The following P4HA3 variants were observed in gnomAD, a reference collection of about 807,000 sequenced individuals.
The protein encoded by P4HA3 is prolyl 4-hydroxylase subunit alpha-3.
Under a neutral mutation model 66.7 loss-of-function variants are expected in P4HA3, and 60 were observed. That is an observed-to-expected ratio of 0.90 (90% CI 0.73 to 1.12). The LOEUF is 1.12. Among genes scored for constraint, P4HA3 ranks in the 50% most tolerant of loss-of-function variants. The pLI is 0.00. For synonymous variants in P4HA3, 263 were observed against 274.6 expected (o/e 0.96, Z 0.42); for missense variants, 683 against 685.8 (o/e 1.00, Z 0.05).
chr11:74,310,314 C>G (rs938351733), intron 1 of P4HA3, among the ~76,000 whole-genome samples: 4 of 152,220 alleles, frequency 2.6e-5, no homozygotes, highest in African/African-American at 9.6e-5. Context: ...AGTCTGACAA[C>G]CTTTTATGCC....
chr11:74,252,433 C>T (rs1163979582), intron 15 of P4HA3: 1 of 454,984 alleles, frequency 2.2e-6, no homozygotes, highest in Admixed American at 2.3e-5. Flanking sequence ...ACAGTGTCTT[C>T]CCATGGCCAG....
chr11:74,257,194 G>A (rs1041609871), intron 15 of P4HA3, among the ~76,000 whole-genome samples: 4 of 152,016 alleles, frequency 2.6e-5, no homozygotes, highest in Admixed American at 6.6e-5. Context: ...GCACAATCTT[G>A]GTTCACTGCA....
chr11:74,282,225 C>T (rs570260747), intron 7 of P4HA3, among the ~76,000 whole-genome samples: 1 of 151,764 alleles, frequency 6.6e-6, no homozygotes, highest in East Asian at 1.9e-4. Context: ...CATTAATTGT[C>T]TACCTACCAG....
chr11:74,281,813 A>G (rs1860607936), intron 7 of P4HA3, among the ~76,000 whole-genome samples: 1 of 151,744 alleles, frequency 6.6e-6, no homozygotes, highest in African/African-American at 2.4e-5. Flanking sequence ...AGCATGGCAC[A>G]TGTATACGTA....
At chr11:74,281,312 G>C (rs1380502708) in intron 7 of P4HA3, among the ~76,000 whole-genome samples, 1 of 151,862 alleles carries the variant, frequency 6.6e-6, no homozygotes, top group African/African-American at 2.4e-5. Context: ...GGAAGTCAGT[G>C]TGGCAATTCC....
chr11:74,261,264 T>G (rs1859902209), intron 14 of P4HA3, among the ~76,000 whole-genome samples: 1 of 152,172 alleles, frequency 6.6e-6, no homozygotes, highest in Admixed American at 6.5e-5. Flanking sequence ...GGGCTTTTTA[T>G]GGACTCAGAA....
At chr11:74,251,943 G>C (rs573146872) in intron 15 of P4HA3, 4 of 720,660 alleles carry the variant, frequency 5.6e-6, no homozygotes, top group South Asian at 5.5e-5. Context: ...TGATTAAATT[G>C]TGCCTAGTCT....
chr11:74,303,895 C>A (rs77972401), intron 2 of P4HA3, among the ~76,000 whole-genome samples: 348 of 152,158 alleles, frequency 2.3e-3, no homozygotes, highest in African/African-American at 7.9e-3. Context: ...CAACAAACTT[C>A]TTACAGCACA....
At chr11:74,293,601 T>C (rs566426580) in intron 4 of P4HA3, among the ~76,000 whole-genome samples, 1 of 152,216 alleles carries the variant, frequency 6.6e-6, no homozygotes, top group African/African-American at 2.4e-5. Flanking sequence ...TTCCTTTCCA[T>C]GTTTAGTGCT....
chr11:74,286,970 C>T (rs774668884), intron 5 of P4HA3: 5 of 466,122 alleles, frequency 1.1e-5, no homozygotes, highest in Non-Finnish European at 1.4e-5. Context: ...TCATTCTTGG[C>T]TCCACTAGAT....
At position 74,285,893 on chromosome 11, in the gene P4HA3, G is replaced by C. The variant is rs1364596823; in HGVS notation, c.1026C>G (p.Ile342Met). The C allele has an allele frequency of 1.2e-6, 2 of 1,613,584 alleles. No homozygotes were observed. Among genetic ancestry groups the C allele is most frequent in the South Asian group, 2.2e-5 (2 of 91,078 alleles). The change falls in exon 7 of 13, where the codon ATC becomes ATG. Residue 342 changes from isoleucine to methionine, a missense_variant. Physicochemically the swap from Ile to Met is conservative, Grantham distance 10 (BLOSUM62 1). Coordinates refer to ENST00000331597, the MANE Select transcript of P4HA3 (RefSeq NM_182904.5). ...AGAGAGCAATGTAGGGCTCCAGGTG[G>C]ATGACCTCCTTCCGGATGGGCTGGA... ...LLLQPIRKEV[I>M]HLEPYIALYH... is the part of the protein sequence containing the mutation.
chr11:74,310,948 TCA>T (rs964257517), intron 1 of P4HA3, among the ~76,000 whole-genome samples: 6 of 152,308 alleles, frequency 3.9e-5, no homozygotes, highest in African/African-American at 7.2e-5. Flanking sequence ...CATGTCACTC[TCA>T]CAGTGTCTCT....
chr11:74,255,955 C>T (rs190314565), intron 15 of P4HA3: 3 of 516,358 alleles, frequency 5.8e-6, no homozygotes, highest in South Asian at 4.2e-5. Flanking sequence ...GCTATGTGCC[C>T]TCTTGTCCAC....
At chr11:74,259,159 G>A (rs1343754283) in intron 15 of P4HA3, among the ~76,000 whole-genome samples, 1 of 152,192 alleles carries the variant, frequency 6.6e-6, no homozygotes, top group East Asian at 1.9e-4. Flanking sequence ...AGCACTTTGG[G>A]AAGCCAAGGT....
intron 1 of P4HA3, among the ~76,000 whole-genome samples, chr11:74,311,030 C>T (rs1480541488): frequency 6.6e-6 from 1 of 152,096 alleles, no homozygotes. Flanking sequence ...CTTTGCACAG[C>T]ACATTGTGAG....
At chr11:74,300,430 A>G (rs929913864) in intron 3 of P4HA3, among the ~76,000 whole-genome samples, 7 of 152,136 alleles carry the variant, frequency 4.6e-5, no homozygotes, top group African/African-American at 1.7e-4. Flanking sequence ...CAGGAGTTCA[A>G]GACCATCCCG....
intron 15 of P4HA3, chr11:74,252,375 G>A: frequency 2.2e-6 from 1 of 452,316 alleles, no homozygotes; most frequent in East Asian, 7.0e-5. Flanking sequence ...GGGATTATAG[G>A]CACAAGCCAC....
chr11:74,269,584 G>A (rs1860117299), intron 11 of P4HA3, 68 bp downstream of exon 11: 3 of 1,486,554 alleles, frequency 2.0e-6, no homozygotes, highest in Non-Finnish European at 2.7e-6. Context: ...AGCACAGACA[G>A]CGTGAAGGTT....
At chr11:74,251,792 T>C in intron 15 of P4HA3, 2 of 1,555,612 alleles carry the variant, frequency 1.3e-6, no homozygotes, top group Non-Finnish European at 1.8e-6. Context: ...GGACTGTAAA[T>C]ATCTCTGCCT....
Sources: gnomAD v4.1 joint callset for allele counts (sites outside exome capture counted in the v4.1 genomes callset) on GRCh38, gnomAD v4.1.1 for gene constraint, MANE v1.5 for transcripts, NCBI Gene and HGNC (gene_info 2026-07-23, HGNC 2026-07-21) for gene names.